Variants in SP7 observed in about 807,000 individuals in gnomAD.
The protein encoded by SP7 is transcription factor Sp7.
A neutral mutation model predicts 27.9 loss-of-function variants in SP7; 13 were observed. The observed-to-expected ratio is 0.47, with a 90% CI of 0.30 to 0.74. The LOEUF is 0.74. SP7 is among the 30% of genes least tolerant of loss of function. The pLI, the probability that SP7 is intolerant of heterozygous loss-of-function variation, is 0.06. For missense variants in SP7, 525 were observed against 558.0 expected (o/e 0.94, Z 0.60); for synonymous variants, 219 against 226.7 (o/e 0.97, Z 0.31).
rs753064296 is a variant in SP7 at position 53,328,435 on chromosome 12, G to C, written c.1007C>G (p.Thr336Ser). ...CNWLFCGKRF[T>S]RSDELERHVR... Reference sequence around the variant, plus strand: ...ATGACGCTCCAGCTCATCCGAACGAGTGAACCTCTTGCCGCAGAAGAGCCA... The same window carrying C: ...ATGACGCTCCAGCTCATCCGAACGACTGAACCTCTTGCCGCAGAAGAGCCA... The change falls in exon 3 of 3, where the codon ACT becomes AGT. Residue 336 changes from threonine to serine, a missense_variant. Thr to Ser is a moderately conservative substitution (Grantham distance 58). Coordinates refer to ENST00000536324, the MANE Select transcript of SP7 (RefSeq NM_001173467.3). The surrounding 1 kb of genome is among the most constrained non-coding windows in gnomAD (Gnocchi z 5.1). The C allele has an allele frequency of 1.1e-4, 177 of 1,613,968 alleles. 1 individual carries two copies. In the East Asian group the frequency reaches 1.5e-3, roughly 14 times the overall value.
chr12:53,335,187 A>G (rs533410082), intron 2 of SP7, among the ~76,000 whole-genome samples: 4 of 152,134 alleles, frequency 2.6e-5, no homozygotes, highest in South Asian at 2.1e-4. Context: ...GGACCCCTAA[A>G]GAGCTATACC....
intron 2 of SP7, among the ~76,000 whole-genome samples, chr12:53,334,456 C>A (rs1354629964): frequency 6.6e-6 from 1 of 152,144 alleles, no homozygotes; most frequent in Admixed American, 6.6e-5. Flanking sequence ...AGACTCCTGC[C>A]CCATCTCACA....
At chr12:53,335,560 G>T in intron 2 of SP7, 66 bp downstream of exon 2, 1 of 816,588 alleles carries the variant, frequency 1.2e-6, no homozygotes, top group Non-Finnish European at 2.1e-6. Flanking sequence ...TGGAGGAGGT[G>T]GGTGGGCAAG....
intron 1 of SP7, among the ~76,000 whole-genome samples, chr12:53,342,998 A>C (rs896913766): frequency 3.3e-5 from 5 of 151,770 alleles, no homozygotes; most frequent in African/African-American, 1.2e-4. Context: ...GTTATCAAGT[A>C]AAAAAAGGAA....
rs200938721 is a variant in SP7, at chr12:53,330,047, TA to T, written c.22-628del. Among the ~76,000 whole-genome samples, 9 of 150,224 alleles carry T rather than the reference TA, an allele frequency of 6.0e-5. No individual in the cohort carries two copies. In the East Asian group the frequency reaches 7.8e-4, roughly 13 times the overall value. Reference sequence around the variant, plus strand: ...CTGCGCCCGGCCTTTTCTTTTTATTTAAAAAAAAAATTATTTTTTGAGACAA... The same window carrying T: ...CTGCGCCCGGCCTTTTCTTTTTATTTAAAAAAAAATTATTTTTTGAGACAA... On this transcript the variant is annotated intron_variant, in intron 2 of 2. Transcript: ENST00000536324.
At chr12:53,341,570 G>C (rs1411466558) in intron 1 of SP7, among the ~76,000 whole-genome samples, 1 of 152,172 alleles carries the variant, frequency 6.6e-6, no homozygotes, top group Non-Finnish European at 1.5e-5. Flanking sequence ...TCTTTCATAA[G>C]AAGAAGTTGG....
At chr12:53,341,810 C>T (rs1944824622) in intron 1 of SP7, among the ~76,000 whole-genome samples, 1 of 152,224 alleles carries the variant, frequency 6.6e-6, no homozygotes, top group Non-Finnish European at 1.5e-5. Flanking sequence ...CCTGTAATCC[C>T]AGCACTTTGA....
At position 53,328,223 on chromosome 12, in the gene SP7, G is replaced by C. The variant is rs1272825984; in HGVS notation, c.1219C>G (p.Arg407Gly). 1 of 1,613,058 alleles carries C rather than the reference G, an allele frequency of 6.2e-7. No homozygotes were observed. Among genetic ancestry groups the C allele is most frequent in the Non-Finnish European group, 8.5e-7 (1 of 1,179,598 alleles). Residue 407 changes from arginine to glycine, a missense_variant, in exon 3 of 3, where the codon CGA becomes GGA. Arg to Gly is a moderately radical substitution (Grantham distance 125, BLOSUM62 -2). Coordinates refer to ENST00000536324, the MANE Select transcript of SP7 (RefSeq NM_001173467.3). This position sits in a 1 kb window ranked among gnomAD's most constrained non-coding sequence, Gnocchi z 5.1. ...TGEEEASQTPRPSASPATPEK... is the reference protein window; with the variant it reads ...TGEEEASQTPGPSASPATPEK... ...GGGGTTGCTGGCGAGGCAGAAGGTCGGGGCGTCTGACTGGCCTCCTCTTCC... is the reference window on the plus strand; with the variant it reads ...GGGGTTGCTGGCGAGGCAGAAGGTCCGGGCGTCTGACTGGCCTCCTCTTCC...
upstream of SP7, among the ~76,000 whole-genome samples, chr12:53,339,911 T>A (rs1012738304): frequency 2.6e-5 from 4 of 152,018 alleles, no homozygotes; most frequent in Admixed American, 6.6e-5. Flanking sequence ...ATAGAAGGTT[T>A]GACTACCCTA....
upstream of SP7, among the ~76,000 whole-genome samples, chr12:53,340,304 T>C (rs1232744623): frequency 6.6e-6 from 1 of 152,116 alleles, no homozygotes; most frequent in Non-Finnish European, 1.5e-5. Context: ...TTTACAGCCC[T>C]GGAGATCTCT....
chr12:53,335,364 A>AG (rs1391923072), intron 2 of SP7, among the ~76,000 whole-genome samples: 1 of 147,518 alleles, frequency 6.8e-6, no homozygotes, highest in African/African-American at 2.5e-5. Context: ...GACCTTAGGT[A>AG]GGGGTCCATG....
upstream of SP7, among the ~76,000 whole-genome samples, chr12:53,340,166 T>C (rs1171714388): frequency 1.3e-5 from 2 of 152,012 alleles, no homozygotes; most frequent in African/African-American, 2.4e-5. Context: ...CACCAGTATA[T>C]ATATACATGC....
Position 53,342,062 on chromosome 12 carries a change from AAAAAAAC to A in SP7, c.-34+3045_-34+3051del, listed in dbSNP as rs527825945. 1.3e-3 allele frequency among the ~76,000 whole-genome samples: 185 copies of A among 145,156 alleles called. 1 individual carries two copies. Among genetic ancestry groups the A allele is most frequent in the African/African-American group, 4.2e-3 (166 of 39,302 alleles). On this transcript the variant is annotated intron_variant, in intron 1 of 1. Coordinates refer to the SP7 transcript ENST00000547755. ...GACAGAGCGAGACTCCGTCTCAAAA[AAAAAAAC>A]AAAAAACAAACAAACAAACCCTGTC... is the stretch of plus-strand genomic sequence containing the variant.
At chr12:53,342,141 T>A (rs1409917616) in intron 1 of SP7, among the ~76,000 whole-genome samples, 25 of 152,034 alleles carry the variant, frequency 1.6e-4, no homozygotes, top group African/African-American at 6.0e-4. Context: ...CGCGTGCCTG[T>A]AATCCCAGCT....
Position 53,329,181 on chromosome 12 carries a change from G to T in SP7, c.261C>A (p.Gly87=), listed in dbSNP as rs1471181595. The change falls in exon 3 of 3, where the codon GGC becomes GGA. Residue 87 remains glycine, a synonymous_variant. Transcript: ENST00000536324. ...AAAAGGGAGGGTAATCATTAGCATA[G>T]CCTGAGGTGGGTGCTGGAGGACTGC... ...PAGSPPAPTS[G]YANDYPPFSH... The T allele has an allele frequency of 6.2e-7, 1 of 1,613,892 alleles. No homozygotes were observed. Among genetic ancestry groups the T allele is most frequent in the East Asian group, 2.2e-5 (1 of 44,878 alleles).
chr12:53,342,328 A>G lies in SP7; in HGVS notation c.-34+2786T>C, dbSNP rs551934859. 9.0e-4 allele frequency among the ~76,000 whole-genome samples: 137 copies of G among 152,242 alleles called. 2 individuals carry two copies. Among genetic ancestry groups the G allele is most frequent in the Non-Finnish European group, 1.1e-3 (75 of 68,022 alleles). On this transcript the variant is annotated intron_variant, in intron 1 of 1. Coordinates refer to the SP7 transcript ENST00000547755. ...TCTGGCCTGCTGCATTCTTCCTCGG[A>G]GCCCAGATTTTTGAAATGTGGAATG...
In SP7 at chr12:53,328,381, A is replaced by G. The variant is rs1231929284; in HGVS notation, c.1061T>C (p.Phe354Ser). The part of the protein sequence containing the change: ...HVRTHTREKK[F>S]TCLLCSKRFT... Reference sequence around the variant, plus strand: ...GCGCTTGGAGCAGAGCAGGCAGGTGAACTTCTTCTCCCGGGTGTGAGTGCG... The same window carrying G: ...GCGCTTGGAGCAGAGCAGGCAGGTGGACTTCTTCTCCCGGGTGTGAGTGCG... The change falls in exon 3 of 3, where the codon TTC becomes TCC. Residue 354 changes from phenylalanine (F) to serine (S), a missense_variant. Physicochemically the swap from Phe to Ser is radical, Grantham distance 155 (BLOSUM62 -2). Coordinates refer to ENST00000536324, the MANE Select transcript of SP7 (RefSeq NM_001173467.3). This position sits in a 1 kb window ranked among gnomAD's most constrained non-coding sequence, Gnocchi z 5.1. 6.2e-7 allele frequency: 1 copy of G among 1,613,554 alleles called. No homozygotes were observed. Among genetic ancestry groups the G allele is most frequent in the Non-Finnish European group, 8.5e-7 (1 of 1,179,604 alleles).
chr12:53,338,109 AGGAGGAGGAG>A (rs1565794334), upstream of SP7, among the ~76,000 whole-genome samples: 4 of 136,480 alleles, frequency 2.9e-5, no homozygotes, highest in South Asian at 2.2e-4. Flanking sequence ...CCAGGTCCGG[AGGAGGAGGAG>A]GAGGAGGAGG....
chr12:53,329,040 G>T lies in SP7; in HGVS notation c.402C>A (p.Pro134=). The change falls in exon 3 of 3, where the codon CCC becomes CCA. Residue 134 remains proline, a synonymous_variant. Coordinates refer to ENST00000536324, the MANE Select transcript of SP7 (RefSeq NM_001173467.3). ...TGCCTGCCTTGTACCAGGAGCCATA[G>T]GGGTGTGTCATGTCCAGAGAGGTGT... is the stretch of plus-strand genomic sequence containing the variant. The part of the protein sequence containing the change: ...SVYTSLDMTH[P]YGSWYKAGIH... The T allele has an allele frequency of 6.2e-7, 1 of 1,613,868 alleles. No individual in the cohort carries two copies. Among genetic ancestry groups the T allele is most frequent in the Non-Finnish European group, 8.5e-7 (1 of 1,179,864 alleles).
Sources: allele counts gnomAD v4.1 joint callset (sites outside exome capture counted in the v4.1 genomes callset), GRCh38; gene constraint gnomAD v4.1.1; non-coding constraint Gnocchi (gnomAD v3.1); transcripts MANE v1.5; gene names NCBI Gene and HGNC (gene_info 2026-07-23, HGNC 2026-07-21).